The following ALCAM variants were observed in gnomAD, a reference collection of about 807,000 sequenced individuals.
ALCAM encodes CD166 antigen.
A neutral mutation model predicts 70.9 loss-of-function variants in ALCAM; 30 were observed. The observed-to-expected ratio is 0.42, with a 90% CI of 0.32 to 0.57. ALCAM has a LOEUF of 0.57. Ranked by LOEUF, ALCAM falls within the 20% of genes least tolerant of loss-of-function variation. The pLI, the probability that ALCAM is intolerant of heterozygous loss-of-function variation, is 0.11. For synonymous variants in ALCAM, 249 were observed against 242.5 expected, an observed-to-expected ratio of 1.03 and a Z score of -0.25; for missense variants, 591 against 695.1, an observed-to-expected ratio of 0.85 and a Z score of 1.68.
At chr3:105,467,550 C>A (rs1021322799) in intron 1 of ALCAM, among the ~76,000 whole-genome samples, 3 of 151,206 alleles carry the variant, frequency 2.0e-5, no homozygotes, top group African/African-American at 7.3e-5. Context: ...ATATTATAAT[C>A]TTACTTAGAA....
intron 2 of ALCAM, among the ~76,000 whole-genome samples, chr3:105,523,244 A>G (rs1251885215): frequency 6.6e-6 from 1 of 151,606 alleles, no homozygotes; most frequent in Non-Finnish European, 1.5e-5. Flanking sequence ...TAAGGGGATG[A>G]TGAATAAGGT....
intron 1 of ALCAM, among the ~76,000 whole-genome samples, chr3:105,393,232 G>T (rs1291903569): frequency 1.3e-5 from 2 of 151,586 alleles, no homozygotes; most frequent in Non-Finnish European, 2.9e-5. Flanking sequence ...TTAAGATGAA[G>T]TTGCATAGTT....
chr3:105,509,159 G>C (rs142302280), intron 1 of ALCAM, among the ~76,000 whole-genome samples: 1 of 152,176 alleles, frequency 6.6e-6, no homozygotes, highest in East Asian at 1.9e-4. Flanking sequence ...TGGCTATTGT[G>C]AATAATGCTG....
intron 12 of ALCAM, among the ~76,000 whole-genome samples, chr3:105,551,245 C>T (rs1940397317): frequency 6.6e-6 from 1 of 151,700 alleles, no homozygotes; most frequent in African/African-American, 2.4e-5. Flanking sequence ...GAAGCATTGA[C>T]TTCTCAGAAT....
intron 1 of ALCAM, among the ~76,000 whole-genome samples, chr3:105,513,989 A>AT (rs1052982422): frequency 6.6e-6 from 1 of 151,898 alleles, no homozygotes; most frequent in African/African-American, 2.4e-5. Context: ...GCACTGTGCT[A>AT]TTGAGGTAGT....
At chr3:105,567,711 G>C (rs546001593) in intron 14 of ALCAM, among the ~76,000 whole-genome samples, 1 of 152,254 alleles carries the variant, frequency 6.6e-6, no homozygotes, top group African/African-American at 2.4e-5. Flanking sequence ...CATTAAGTGA[G>C]TATTATATAA....
At chr3:105,574,447 C>T (rs990430164) in intron 15 of ALCAM, 30 bp from the exon 16 acceptor site, 2 of 149,068 alleles carry the variant, frequency 1.3e-5, no homozygotes, top group Admixed American at 7.0e-5. Context: ...GCTTTGGAAG[C>T]TTATCTAAAT....
chr3:105,385,535 A>G (rs1935630250), intron 1 of ALCAM, among the ~76,000 whole-genome samples: 1 of 151,672 alleles, frequency 6.6e-6, no homozygotes, highest in South Asian at 2.1e-4. Flanking sequence ...ATGACGCTTA[A>G]TTGATAATAC....
chr3:105,391,467 G>C (rs561006398), intron 1 of ALCAM, among the ~76,000 whole-genome samples: 1 of 151,448 alleles, frequency 6.6e-6, no homozygotes, highest in Admixed American at 6.6e-5. Context: ...ACTTTGCTGA[G>C]GTTGCTTATC....
intron 1 of ALCAM, among the ~76,000 whole-genome samples, chr3:105,426,186 G>A (rs1295806985): frequency 6.6e-6 from 1 of 151,530 alleles, no homozygotes; most frequent in Non-Finnish European, 1.5e-5. Context: ...AAGCTCTCTG[G>A]GCCTTAGTGT....
intron 14 of ALCAM, among the ~76,000 whole-genome samples, chr3:105,567,247 C>T (rs771441792): frequency 1.3e-5 from 2 of 152,108 alleles, no homozygotes; most frequent in East Asian, 1.9e-4. Flanking sequence ...TTCCTCCTTC[C>T]GGACTTCTGA....
At chr3:105,407,163 C>G (rs1936258319) in intron 1 of ALCAM, among the ~76,000 whole-genome samples, 1 of 151,900 alleles carries the variant, frequency 6.6e-6, no homozygotes, top group African/African-American at 2.4e-5. Context: ...GACACTATTC[C>G]AAAAGATAGA....
chr3:105,444,411 T>C (rs79487940), intron 1 of ALCAM, among the ~76,000 whole-genome samples: 2,326 of 152,128 alleles, frequency 0.015, 24 homozygotes, highest in Middle Eastern at 0.048. Context: ...TCATGACAAC[T>C]CTCTCATTAT....
chr3:105,489,898 C>A (rs1938537829), intron 1 of ALCAM, among the ~76,000 whole-genome samples: 1 of 152,172 alleles, frequency 6.6e-6, no homozygotes, highest in Non-Finnish European at 1.5e-5. Context: ...ATTACTTGAA[C>A]CTGTTCATCT....
chr3:105,543,023 C>T (rs1428563026), intron 8 of ALCAM, among the ~76,000 whole-genome samples: 1 of 151,610 alleles, frequency 6.6e-6, no homozygotes, highest in East Asian at 1.9e-4. Flanking sequence ...CAGATAGAAC[C>T]ATATGTGGAA....
intron 1 of ALCAM, among the ~76,000 whole-genome samples, chr3:105,392,990 A>G (rs1016730868): frequency 2.6e-5 from 4 of 151,894 alleles, no homozygotes; most frequent in Non-Finnish European, 4.4e-5. Context: ...ATCTTCTCAC[A>G]TAGTAATTTA....
intron 1 of ALCAM, among the ~76,000 whole-genome samples, chr3:105,379,459 T>C (rs1935459298): frequency 6.6e-6 from 1 of 151,842 alleles, no homozygotes; most frequent in Non-Finnish European, 1.5e-5. Context: ...ATTATAGCTT[T>C]AAAATGTAAT....
At chr3:105,560,789 TC>T (rs1940615400) in intron 14 of ALCAM, among the ~76,000 whole-genome samples, 1 of 152,204 alleles carries the variant, frequency 6.6e-6, no homozygotes, top group Non-Finnish European at 1.5e-5. Flanking sequence ...TAAAAGGACT[TC>T]CTTTCAGCCG....
chr3:105,402,325 T>C (rs547618878), intron 1 of ALCAM, among the ~76,000 whole-genome samples: 32 of 152,142 alleles, frequency 2.1e-4, no homozygotes, highest in Admixed American at 1.0e-3. Context: ...TGGAGATTCA[T>C]TGTGAACCAT....
Sources: allele counts gnomAD v4.1 joint callset (sites outside exome capture counted in the v4.1 genomes callset), GRCh38; gene constraint gnomAD v4.1.1; transcripts MANE v1.5; gene names NCBI Gene and HGNC (gene_info 2026-07-23, HGNC 2026-07-21).